SVOPL: variants seen among roughly 807,000 people sequenced by gnomAD.
SVOPL encodes the protein SVOP like.
A neutral mutation model predicts 61.0 loss-of-function variants in SVOPL; 60 were observed. That is an observed-to-expected ratio of 0.98 (90% CI 0.80 to 1.22). The LOEUF is 1.22. Ranked by LOEUF, SVOPL falls within the 50% of genes most tolerant of loss-of-function variation. The pLI is 0.00. For missense variants in SVOPL, 662 were observed against 643.9 expected (o/e 1.03, Z -0.30); for synonymous variants, 279 against 250.0 (o/e 1.12, Z -1.09).
At chr7:138,663,176 C>G in intron 4 of SVOPL, 31 bp from the exon 5 acceptor site, 1 of 1,605,628 alleles carries the variant, frequency 6.2e-7, no homozygotes, top group Non-Finnish European at 8.5e-7. Context: ...AAACGGTTCT[C>G]TAAGCAGGTT....
At chr7:138,643,202 G>A (rs189378503) in intron 9 of SVOPL, among the ~76,000 whole-genome samples, 173 of 151,978 alleles carry the variant, frequency 1.1e-3, no homozygotes, top group African/African-American at 3.9e-3. Flanking sequence ...CGAGGAGGGC[G>A]GATCACGAGG....
chr7:138,633,329 T>C (rs1441234921), intron 9 of SVOPL, among the ~76,000 whole-genome samples: 3 of 152,146 alleles, frequency 2.0e-5, no homozygotes, highest in Non-Finnish European at 4.4e-5. Context: ...GGGAGGTGTT[T>C]GGGTCGTGGG....
intron 9 of SVOPL, among the ~76,000 whole-genome samples, chr7:138,639,476 A>C (rs1383970185): frequency 6.6e-6 from 1 of 150,974 alleles, no homozygotes; most frequent in Non-Finnish European, 1.5e-5. Flanking sequence ...AAAAAACGAA[A>C]GTTATTTGGG....
chr7:138,622,500 T>TC (rs1413220868), intron 13 of SVOPL, among the ~76,000 whole-genome samples: 1 of 145,108 alleles, frequency 6.9e-6, no homozygotes, highest in Non-Finnish European at 1.5e-5. Context: ...GGGCGGGGGG[T>TC]CTCTCCAAGT....
intron 9 of SVOPL, among the ~76,000 whole-genome samples, chr7:138,637,455 GAT>G (rs1457542181): frequency 0.011 from 399 of 36,652 alleles, 3 homozygotes; most frequent in Admixed American, 0.015. Flanking sequence ...TAGATAGATA[GAT>G]ATATATATAT....
intron 4 of SVOPL, among the ~76,000 whole-genome samples, chr7:138,664,433 C>T (rs955874305): frequency 1.3e-5 from 2 of 148,566 alleles, no homozygotes; most frequent in Non-Finnish European, 3.0e-5. Flanking sequence ...CCTCTGGCAC[C>T]CCGTATCCTC....
chr7:138,659,983 C>A lies in SVOPL; in HGVS notation c.351G>T (p.Leu117=). The A allele has an allele frequency of 6.4e-7, 1 of 1,551,474 alleles. No individual in the cohort carries two copies. Among genetic ancestry groups the A allele is most frequent in the Non-Finnish European group, 8.7e-7 (1 of 1,146,914 alleles). The change falls in exon 6 of 16, where the codon CTG becomes CTT. Residue 117 remains leucine (L), a synonymous_variant. Coordinates refer to ENST00000674285, the MANE Select transcript of SVOPL (RefSeq NM_001139456.2). ...LADRYGRWKI[L]LISFLWGAYF... The stretch of plus-strand genomic sequence containing the variant: ...AGGCTCCCCACAGGAACGAGATGAG[C>A]AGAATCTGAAGCAACAGCAGAACAC...
Position 138,661,721 on chromosome 7 carries a change from G to A in SVOPL, c.345+1353C>T, listed in dbSNP as rs1033782454. 2.0e-5 allele frequency: 17 copies of A among 849,824 alleles called. No individual in the cohort carries two copies. The African/African-American group carries it at 2.0e-4, about 10-fold the overall frequency. 52.6% of individuals were successfully genotyped at this position (849,824 alleles called of 1,614,324 possible). A position where few individuals can be genotyped will look rare whatever the true frequency, so the allele number is the denominator to read the frequency against. On this transcript the variant is annotated intron_variant, in intron 5 of 15. Coordinates refer to ENST00000674285, the MANE Select transcript of SVOPL (RefSeq NM_001139456.2). ...ATTATTAGTAAATAACTTAGGAAGT[G>A]CCCCCAAATTCTTTTCTCTCCTCCT... is the stretch of plus-strand genomic sequence containing the variant.
intron 4 of SVOPL, among the ~76,000 whole-genome samples, chr7:138,664,942 A>C (rs951658284): frequency 4.6e-5 from 1 of 21,644 alleles, no homozygotes. Flanking sequence ...CCCCACGCCC[A>C]CCCTCGACCC....
intron 1 of SVOPL, among the ~76,000 whole-genome samples, chr7:138,698,907 T>C (rs1803129773): frequency 6.6e-6 from 1 of 152,112 alleles, no homozygotes; most frequent in African/African-American, 2.4e-5. Flanking sequence ...TCCCAGCACT[T>C]TGGGAGGCCC....
intron 9 of SVOPL, among the ~76,000 whole-genome samples, chr7:138,631,973 CACACACACACAT>C (rs1040069593): frequency 1.8e-4 from 28 of 151,916 alleles, no homozygotes; most frequent in African/African-American, 5.1e-4. Context: ...CACACACACA[CACACACACACAT>C]ACACACACCC....
chr7:138,623,762 G>T (rs1279045184), intron 13 of SVOPL, among the ~76,000 whole-genome samples: 1 of 151,984 alleles, frequency 6.6e-6, no homozygotes, highest in Non-Finnish European at 1.5e-5. Context: ...CTTTAGATTT[G>T]TTTTTGTTTT....
In SVOPL at chr7:138,629,127, A is replaced by ATGTGTG. The variant is rs71520009; in HGVS notation, c.864-770_864-765dup. ...TCTAATATATAAGCATGTTTTATAT[A>ATGTGTG]TGTGTGTGTGTGTGTGTGTGTGTGT... is the stretch of plus-strand genomic sequence containing the variant. On this transcript the variant is annotated intron_variant, in intron 10 of 15. Transcript: ENST00000674285. Among the ~76,000 whole-genome samples the ATGTGTG allele has an allele frequency of 9.1e-4, 60 of 66,166 alleles. 1 individual carries two copies. Among genetic ancestry groups the ATGTGTG allele is most frequent in the South Asian group, 2.0e-3 (5 of 2,480 alleles). 43.4% of individuals were successfully genotyped at this position (66,166 alleles called of 152,430 possible). A position where few individuals can be genotyped will look rare whatever the true frequency, so the allele number is the denominator to read the frequency against.
At chr7:138,701,084 C>T (rs1157474435) in intron 1 of SVOPL, 94 bp downstream of exon 1, 2 of 152,136 alleles carry the variant, frequency 1.3e-5, no homozygotes, top group African/African-American at 2.4e-5. Context: ...CTCCATTTGC[C>T]TTCGGCCACA....
chr7:138,606,131 G>A (rs1038727294), intron 14 of SVOPL, among the ~76,000 whole-genome samples: 1 of 152,082 alleles, frequency 6.6e-6, no homozygotes, highest in African/African-American at 2.4e-5. Flanking sequence ...ACACGTCCTG[G>A]TCCTCATGGC....
intron 13 of SVOPL, among the ~76,000 whole-genome samples, chr7:138,622,261 T>C: frequency 8.8e-6 from 1 of 113,992 alleles, no homozygotes; most frequent in South Asian, 2.7e-4. Context: ...TATGTATCTA[T>C]CTATCTATGT....
At chr7:138,649,671 G>T (rs139711945) in intron 7 of SVOPL, among the ~76,000 whole-genome samples, 1 of 152,130 alleles carries the variant, frequency 6.6e-6, no homozygotes, top group East Asian at 1.9e-4. Context: ...AGTAAGGGCT[G>T]TAAGGAAAAT....
intron 5 of SVOPL, 194 bp downstream of exon 5, chr7:138,662,880 A>T (rs1263491034): frequency 1.4e-6 from 2 of 1,430,018 alleles, no homozygotes; most frequent in African/African-American, 2.9e-5. Flanking sequence ...GCAGAGGAAC[A>T]GCTGCAGGCA....
intron 1 of SVOPL, among the ~76,000 whole-genome samples, chr7:138,687,184 A>G (rs1217220580): frequency 6.6e-6 from 1 of 150,652 alleles, no homozygotes; most frequent in Non-Finnish European, 1.5e-5. Flanking sequence ...ACACCATTTG[A>G]AGGGTGTTCT....
Sources: allele counts gnomAD v4.1 joint callset (sites outside exome capture counted in the v4.1 genomes callset), GRCh38; gene constraint gnomAD v4.1.1; transcripts MANE v1.5; gene names NCBI Gene and HGNC (gene_info 2026-07-23, HGNC 2026-07-21).